Variants in LMF1 observed in about 807,000 individuals in gnomAD.
LMF1 encodes transmembrane protein 112.
LMF1 carries 68 observed loss-of-function variants against 60.6 expected under a neutral mutation model. The ratio of observed to expected loss-of-function variants is 1.12; its 90% CI spans 0.92 to 1.37. The LOEUF is 1.37. LMF1 is among the 40% of genes most tolerant of loss of function. The pLI is 0.00. For missense variants in LMF1, 948 were observed against 767.2 expected, an observed-to-expected ratio of 1.24 and a Z score of -2.78; for synonymous variants, 418 against 324.7, an observed-to-expected ratio of 1.29 and a Z score of -3.09.
At chr16:917,042 C>T (rs1272936573) in intron 3 of LMF1, among the ~76,000 whole-genome samples, 1 of 152,216 alleles carries the variant, frequency 6.6e-6, no homozygotes, top group African/African-American at 2.4e-5. Context: ...GAGACGCCAC[C>T]CAGGGGCTGC....
chr16:912,473 C>T lies in LMF1; in HGVS notation c.515-1394G>A, dbSNP rs776906701. Among the ~76,000 whole-genome samples, 54 of 152,174 alleles carry T rather than the reference C, an allele frequency of 3.5e-4. 1 individual carries two copies. The highest frequency in any genetic ancestry group is 8.3e-4 in the South Asian group (4 of 4,814). Reference sequence around the variant, plus strand: ...CAGCACTGGACTGTAACCCAAAGTACAAAATAAACGCCTGCAAGTCCACAC... The same window carrying T: ...CAGCACTGGACTGTAACCCAAAGTATAAAATAAACGCCTGCAAGTCCACAC... On this transcript the variant is annotated intron_variant, in intron 3 of 10. Transcript: ENST00000262301.
intron 10 of LMF1, among the ~76,000 whole-genome samples, chr16:860,178 C>G (rs185695521): frequency 4.7e-5 from 7 of 149,510 alleles, no homozygotes; most frequent in Admixed American, 2.0e-4. Flanking sequence ...TATTTTCTGT[C>G]TGTAGCTTAA....
upstream of LMF1, chr16:981,303 T>TGA (rs751174711): frequency 0.015 from 3,246 of 213,292 alleles, 27 homozygotes; most frequent in East Asian, 0.026. Flanking sequence ...TGTGTGTGTG[T>TGA]GAGAGAGAGA....
chr16:980,423 G>A (rs1022048012), intron 1 of LMF1: 1 of 152,452 alleles, frequency 6.6e-6, no homozygotes, highest in African/African-American at 2.4e-5. Context: ...CCCCGACTTT[G>A]CATCTGGACT....
chr16:939,592 C>T (rs1466472089), intron 2 of LMF1, among the ~76,000 whole-genome samples: 3 of 151,182 alleles, frequency 2.0e-5, no homozygotes, highest in South Asian at 2.1e-4. Context: ...CGCCAGGCCT[C>T]GACCCTGCTG....
intron 6 of LMF1, 67 bp downstream of exon 6, chr16:879,503 A>G: frequency 6.4e-7 from 1 of 1,561,718 alleles, no homozygotes; most frequent in Non-Finnish European, 8.7e-7. Context: ...AGAGCGGGGC[A>G]GCCAGAAATA....
chr16:910,944 A>T lies in LMF1; in HGVS notation c.650T>A (p.Ile217Asn). The change falls in exon 4 of 11, where the codon ATC becomes AAC. Residue 217 changes from isoleucine to asparagine, a missense_variant. Ile to Asn is a moderately radical substitution (Grantham distance 149, BLOSUM62 -3). Transcript: ENST00000262301. ...LWGFRWLIFR[I>N]MLGAGLIKIR... ...AGCTCCACTTACTGCTCCAAGCATG[A>T]TCCTGAAGATCAGCCACCGGAAGCC... 6.2e-7 allele frequency: 1 copy of T among 1,612,890 alleles called. No individual in the cohort carries two copies. Among genetic ancestry groups the T allele is most frequent in the African/African-American group, 1.3e-5 (1 of 75,042 alleles).
At chr16:889,547 G>C (rs1188497598) in intron 5 of LMF1, among the ~76,000 whole-genome samples, 1 of 152,156 alleles carries the variant, frequency 6.6e-6, no homozygotes, top group Non-Finnish European at 1.5e-5. Flanking sequence ...ACTTCCGGAG[G>C]TTTTCAGGCT....
At chr16:931,735 G>C (rs576758730) in intron 3 of LMF1, 6 of 1,287,200 alleles carry the variant, frequency 4.7e-6, no homozygotes, top group Non-Finnish European at 6.1e-6. Flanking sequence ...GAGCACTGCC[G>C]AAGCTACTAC....
intron 3 of LMF1, among the ~76,000 whole-genome samples, chr16:912,628 G>A (rs904371661): frequency 7.2e-5 from 11 of 152,210 alleles, no homozygotes; most frequent in African/African-American, 2.4e-4. Context: ...CCAAGCTGAC[G>A]CCTGCTGGTC....
intron 10 of LMF1, among the ~76,000 whole-genome samples, chr16:865,917 T>A (rs1262759182): frequency 6.6e-6 from 1 of 152,250 alleles, no homozygotes; most frequent in African/African-American, 2.4e-5. Flanking sequence ...GTCCTCACCA[T>A]TCAGATGTCG....
At position 854,410 on chromosome 16, in the gene LMF1, G is replaced by A. The variant is rs1238166766; in HGVS notation, c.*122C>T. On this transcript the variant is annotated 3_prime_UTR_variant, in exon 11 of 11. Coordinates refer to ENST00000262301, the MANE Select transcript of LMF1 (RefSeq NM_022773.4). ...CCTGGACCCCCGTGCTGGGGGCTGGGTCCCACCGCTCTCCTCTCCACGTCT... is the reference window on the plus strand; with the variant it reads ...CCTGGACCCCCGTGCTGGGGGCTGGATCCCACCGCTCTCCTCTCCACGTCT... The A allele has an allele frequency of 9.8e-7, 1 of 1,015,372 alleles. No individual in the cohort carries two copies. Among genetic ancestry groups the A allele is most frequent in the East Asian group, 2.6e-5 (1 of 38,458 alleles). 62.9% of individuals were successfully genotyped at this position (1,015,372 alleles called of 1,614,324 possible).
chr16:855,715 T>C, intron 10 of LMF1: 1 of 455,938 alleles, frequency 2.2e-6, no homozygotes, highest in South Asian at 1.5e-5. Context: ...GGTGCAGCCA[T>C]AACAGGACCC....
Position 854,634 on chromosome 16 carries a change from C to T in LMF1, c.1602G>A (p.Trp534Ter). ...PGGRHAAEGKWWVRKRIGAYF... is the reference protein window; with the variant it reads ...PGGRHAAEGK ...AGGCTCCGATCCTCTTCCGCACCCA[C>T]CACTTGCCCTCGGCGGCGTGCCTGC... Residue 534 changes from tryptophan (W) to a stop codon, truncating the protein, a stop_gained, in exon 11 of 11, where the codon TGG (tryptophan) becomes TGA (stop). Transcript: ENST00000262301. LOFTEE classifies it low-confidence loss of function (END_TRUNC). The T allele has an allele frequency of 6.2e-7, 1 of 1,607,456 alleles. No homozygotes were observed. Among genetic ancestry groups the T allele is most frequent in the Non-Finnish European group, 8.5e-7 (1 of 1,178,566 alleles).
In LMF1 at chr16:875,684, G is replaced by A. The variant is rs188479922; in HGVS notation, c.897+3886C>T. 3.3e-5 allele frequency among the ~76,000 whole-genome samples: 5 copies of A among 152,284 alleles called. No individual in the cohort carries two copies. In the East Asian group the frequency reaches 7.7e-4, roughly 24 times the overall value. On this transcript the variant is annotated intron_variant, in intron 6 of 10. Coordinates refer to ENST00000262301, the MANE Select transcript of LMF1 (RefSeq NM_022773.4). ...CACTCCCCACTGCCAGGCAGCCACG[G>A]AGCCAAGCAGACCAACACCCCTGCC...
At chr16:981,347 A>AGTGTGT (rs752216162), upstream of LMF1, 177 of 96,320 alleles carry the variant, frequency 1.8e-3, 4 homozygotes, top group African/African-American at 4.1e-3. Context: ...AGAGAGAGAG[A>AGTGTGT]GTGTGTGTGT....
intron 3 of LMF1, among the ~76,000 whole-genome samples, chr16:927,822 A>G (rs1198424320): frequency 4.6e-5 from 7 of 152,244 alleles, no homozygotes; most frequent in Admixed American, 3.3e-4. Context: ...GAAGGGTCAC[A>G]GGGAGCATTT....
At chr16:950,181 GA>G (rs2072405685) in intron 2 of LMF1, among the ~76,000 whole-genome samples, 1 of 104,250 alleles carries the variant, frequency 9.6e-6, no homozygotes. Context: ...GACAGAGTCA[GA>G]GCCAACGACA....
Position 954,561 on chromosome 16 carries a change from T to C in LMF1, c.299A>G (p.Asp100Gly). Residue 100 changes from aspartate to glycine, a missense_variant, in exon 2 of 11, where the codon GAC (aspartate) becomes GGC (glycine). Asp to Gly is a moderately conservative substitution (Grantham distance 94). Coordinates refer to ENST00000262301, the MANE Select transcript of LMF1 (RefSeq NM_022773.4). ...GCTGAAGACTTCCCAGCTCGTCCTGTCCTGGAAGTACTGCTGGAAGTTCTT... is the reference window on the plus strand; with the variant it reads ...GCTGAAGACTTCCCAGCTCGTCCTGCCCTGGAAGTACTGCTGGAAGTTCTT... ...FLKNFQQYFQDRTSWEVFSYM... is the reference protein window; with the variant it reads ...FLKNFQQYFQGRTSWEVFSYM... 6.2e-7 allele frequency: 1 copy of C among 1,613,282 alleles called. No homozygotes were observed. The highest frequency in any genetic ancestry group is 1.1e-5 in the South Asian group (1 of 91,070).
Sources: allele counts gnomAD v4.1 joint callset (sites outside exome capture counted in the v4.1 genomes callset), GRCh38; gene constraint gnomAD v4.1.1; transcripts MANE v1.5; gene names NCBI Gene and HGNC (gene_info 2026-07-23, HGNC 2026-07-21).